Variants in SLC25A13 observed in about 807,000 individuals in gnomAD.
The protein encoded by SLC25A13 is electrogenic aspartate/glutamate antiporter SLC25A13, mitochondrial.
In SLC25A13, 70 loss-of-function variants were observed where a neutral mutation model predicts 85.5. The observed-to-expected ratio is 0.82, with a 90% CI of 0.68 to 1.00. The LOEUF is 1.00. Ranked by LOEUF, SLC25A13 falls within the 50% of genes least tolerant of loss-of-function variation. SLC25A13 has a pLI of 0.00. For missense variants in SLC25A13, 765 were observed against 819.8 expected, an observed-to-expected ratio of 0.93 and a Z score of 0.82; for synonymous variants, 259 against 288.7, an observed-to-expected ratio of 0.90 and a Z score of 1.04.
intron 4 of SLC25A13, among the ~76,000 whole-genome samples, chr7:96,231,364 A>G (rs1281434532): frequency 6.6e-6 from 1 of 152,144 alleles, no homozygotes; most frequent in Non-Finnish European, 1.5e-5. Flanking sequence ...GCATCTGACA[A>G]AGGTCTAATA....
Position 96,192,958 on chromosome 7 carries a change from T to G in SLC25A13, c.615+79A>C. Reference sequence around the variant, plus strand: ...AGTGTTTGCAACAGAAAAAAAACACTACATAACTTATAAGAATTGTTTTTA... The same window carrying G: ...AGTGTTTGCAACAGAAAAAAAACACGACATAACTTATAAGAATTGTTTTTA... On this transcript the variant is annotated intron_variant, in intron 6 of 17. Coordinates refer to ENST00000265631, the MANE Select transcript of SLC25A13 (RefSeq NM_014251.3). 2.0e-6 allele frequency: 3 copies of G among 1,483,048 alleles called. No homozygotes were observed. The South Asian group carries it at 3.4e-5, about 17-fold the overall frequency. 91.9% of individuals were successfully genotyped at this position (1,483,048 alleles called of 1,614,324 possible). A position where few individuals can be genotyped will look rare whatever the true frequency, so the allele number is the denominator to read the frequency against.
chr7:96,206,895 C>T (rs1795484644), intron 5 of SLC25A13, among the ~76,000 whole-genome samples: 1 of 152,140 alleles, frequency 6.6e-6, no homozygotes, highest in African/African-American at 2.4e-5. Context: ...GGAGGAAACA[C>T]GATCATCCTT....
At chr7:96,159,099 C>A (rs1482969726) in intron 13 of SLC25A13, among the ~76,000 whole-genome samples, 1 of 152,174 alleles carries the variant, frequency 6.6e-6, no homozygotes, top group African/African-American at 2.4e-5. Context: ...CACAAAGAAG[C>A]TGGCAAAGAT....
chr7:96,189,982 A>C (rs1794782860), intron 7 of SLC25A13, among the ~76,000 whole-genome samples: 1 of 152,110 alleles, frequency 6.6e-6, no homozygotes, highest in Admixed American at 6.6e-5. Context: ...CCAGGAGGGG[A>C]AGTTATATTA....
chr7:96,262,717 C>T (rs948510370), intron 3 of SLC25A13, among the ~76,000 whole-genome samples: 3 of 152,130 alleles, frequency 2.0e-5, no homozygotes, highest in African/African-American at 7.2e-5. Flanking sequence ...AGTTCTCGTG[C>T]AAAGCTCAAT....
At chr7:96,247,023 T>C (rs1024422063) in intron 3 of SLC25A13, among the ~76,000 whole-genome samples, 1 of 152,232 alleles carries the variant, frequency 6.6e-6, no homozygotes, top group Admixed American at 6.5e-5. Context: ...CATTTACTTC[T>C]ATTATGACCA....
intron 15 of SLC25A13, 98 bp from the exon 16 acceptor site, chr7:96,122,095 A>C (rs1791537652): frequency 8.6e-6 from 13 of 1,511,180 alleles, no homozygotes; most frequent in Non-Finnish European, 1.2e-5. Context: ...AAAGTTAAAA[A>C]TCCGATTCAA....
intron 2 of SLC25A13, among the ~76,000 whole-genome samples, chr7:96,286,038 A>G (rs369576553): frequency 1.6e-4 from 24 of 152,202 alleles, no homozygotes; most frequent in Middle Eastern, 3.4e-3. Flanking sequence ...TAATCCCAGC[A>G]CTTTGGGAGG....
At chr7:96,274,925 T>C (rs1221865805) in intron 3 of SLC25A13, among the ~76,000 whole-genome samples, 2 of 152,206 alleles carry the variant, frequency 1.3e-5, no homozygotes, top group Non-Finnish European at 2.9e-5. Flanking sequence ...TGTAGTATAG[T>C]TTGAAGTCAG....
At chr7:96,278,000 A>C (rs1478862782) in intron 2 of SLC25A13, among the ~76,000 whole-genome samples, 2 of 152,194 alleles carry the variant, frequency 1.3e-5, no homozygotes, top group African/African-American at 4.8e-5. Flanking sequence ...TGTCCTCTCC[A>C]TTCTAAGGCA....
intron 1 of SLC25A13, among the ~76,000 whole-genome samples, chr7:96,306,152 T>C (rs563226636): frequency 6.6e-6 from 1 of 152,224 alleles, no homozygotes; most frequent in African/African-American, 2.4e-5. Flanking sequence ...AGTTAGCAAG[T>C]GGCAGAGCCC....
At chr7:96,205,109 C>A (rs1795408576) in intron 5 of SLC25A13, among the ~76,000 whole-genome samples, 2 of 152,102 alleles carry the variant, frequency 1.3e-5, no homozygotes, top group Non-Finnish European at 2.9e-5. Flanking sequence ...GGGGTTTCAC[C>A]ATGTTGGCCA....
At chr7:96,206,882 AGAG>A (rs1795484161) in intron 5 of SLC25A13, among the ~76,000 whole-genome samples, 1 of 152,208 alleles carries the variant, frequency 6.6e-6, no homozygotes, top group Non-Finnish European at 1.5e-5. Context: ...ACACTTGCTT[AGAG>A]GAGGAAACAC....
intron 1 of SLC25A13, among the ~76,000 whole-genome samples, chr7:96,316,129 T>C (rs1400122817): frequency 6.6e-6 from 1 of 151,810 alleles, no homozygotes. Context: ...GTCCCAAATA[T>C]ATATATATAT....
chr7:96,126,721 G>A (rs1791743493), intron 15 of SLC25A13, among the ~76,000 whole-genome samples: 1 of 152,028 alleles, frequency 6.6e-6, no homozygotes, highest in Non-Finnish European at 1.5e-5. Flanking sequence ...TTCTGCTGAG[G>A]GCCAGATTAG....
chr7:96,288,633 C>T (rs1036948918), intron 2 of SLC25A13, among the ~76,000 whole-genome samples: 4 of 152,180 alleles, frequency 2.6e-5, no homozygotes, highest in Non-Finnish European at 4.4e-5. Flanking sequence ...TCCTGCGCCT[C>T]GCTCGGAGGG....
chr7:96,268,330 A>G (rs1202007265), intron 3 of SLC25A13, among the ~76,000 whole-genome samples: 1 of 152,252 alleles, frequency 6.6e-6, no homozygotes, highest in African/African-American at 2.4e-5. Context: ...TATACTTAGA[A>G]GATATACAAA....
rs140349960 is a variant in SLC25A13 at position 96,259,273 on chromosome 7, G to C, written c.212+17923C>G. 2.1e-3 allele frequency among the ~76,000 whole-genome samples: 325 copies of C among 152,184 alleles called. 2 individuals are homozygous for C. The highest frequency in any genetic ancestry group is 0.015 in the Admixed American group (227 of 15,278). ...AAGAAACTATCATCAGAGTGAACAGGCAACCTACAGAATGGGAGAAAAATT... is the reference window on the plus strand; with the variant it reads ...AAGAAACTATCATCAGAGTGAACAGCCAACCTACAGAATGGGAGAAAAATT... On this transcript the variant is annotated intron_variant, in intron 3 of 17. Transcript: ENST00000265631.
chr7:96,201,478 C>T (rs1795253046), intron 5 of SLC25A13, among the ~76,000 whole-genome samples: 2 of 147,930 alleles, frequency 1.4e-5, no homozygotes, highest in Non-Finnish European at 3.0e-5. Context: ...CGCCATTGCA[C>T]TCCAGCCTGG....
Sources: allele counts gnomAD v4.1 joint callset (sites outside exome capture counted in the v4.1 genomes callset), GRCh38; gene constraint gnomAD v4.1.1; transcripts MANE v1.5; gene names NCBI Gene and HGNC (gene_info 2026-07-23, HGNC 2026-07-21).